The following MAGI2 variants were observed in gnomAD, a reference collection of about 807,000 sequenced individuals.
MAGI2 encodes membrane associated guanylate kinase, WW and PDZ domain containing 2.
MAGI2 carries 35 observed loss-of-function variants against 133.3 expected under a neutral mutation model. The observed-to-expected ratio is 0.26, with a 90% CI of 0.20 to 0.35. MAGI2 has a LOEUF of 0.35. Among genes scored for constraint, MAGI2 ranks in the 10% least tolerant of loss-of-function variants. The pLI, the probability that MAGI2 is intolerant of heterozygous loss-of-function variation, is 1.00. For synonymous variants in MAGI2, 729 were observed against 710.6 expected (o/e 1.03, Z -0.41); for missense variants, 1,636 against 1,863.4 (o/e 0.88, Z 2.25).
rs534220787 is a variant in MAGI2, at chr7:78,851,215, G to A, written c.418+155875C>T. Among the ~76,000 whole-genome samples, 18 of 149,876 alleles carry A rather than the reference G, an allele frequency of 1.2e-4. No homozygotes were observed. In the South Asian group the frequency reaches 3.4e-3, roughly 28 times the overall value. On this transcript the variant is annotated intron_variant, in intron 2 of 21. Transcript: ENST00000354212. ...TTTATTTAGAAATGAATTCCCAAAGGGATTTTCTTGCCACCTTCAATTTTC... is the reference window on the plus strand; with the variant it reads ...TTTATTTAGAAATGAATTCCCAAAGAGATTTTCTTGCCACCTTCAATTTTC...
Position 78,757,589 on chromosome 7 carries a change from C to T in MAGI2, c.419-130350G>A, listed in dbSNP as rs78933611. The stretch of plus-strand genomic sequence containing the variant: ...TCTCAATGTCACTAAAGCCAATGGA[C>T]ATTAGTGAGTCCTCATCTTATATGA... On this transcript the variant is annotated intron_variant, in intron 2 of 21. Coordinates refer to ENST00000354212, the MANE Select transcript of MAGI2 (RefSeq NM_012301.4). Among the ~76,000 whole-genome samples, 10 of 152,248 alleles carry T rather than the reference C, an allele frequency of 6.6e-5. 1 individual carries two copies. In the East Asian group the frequency reaches 1.9e-3, roughly 29 times the overall value.
At chr7:78,439,744 C>T (rs1054525046) in intron 6 of MAGI2, among the ~76,000 whole-genome samples, 4 of 152,110 alleles carry the variant, frequency 2.6e-5, no homozygotes, top group East Asian at 1.9e-4. Flanking sequence ...TATTTTCACC[C>T]GAATTGCTTA....
intron 2 of MAGI2, among the ~76,000 whole-genome samples, chr7:78,974,042 A>T (rs1804021189): frequency 6.6e-6 from 1 of 151,834 alleles, no homozygotes; most frequent in African/African-American, 2.4e-5. Flanking sequence ...CTCAAAAAAT[A>T]AAACTCTTTG....
At chr7:79,349,805 T>C (rs184744684) in intron 1 of MAGI2, among the ~76,000 whole-genome samples, 1 of 152,212 alleles carries the variant, frequency 6.6e-6, no homozygotes, top group East Asian at 1.9e-4. Flanking sequence ...GAATTAACTT[T>C]AGAGCCAATT....
At position 78,168,078 on chromosome 7, in the gene MAGI2, A is replaced by C. The variant is rs747453880; in HGVS notation, c.2434T>G (p.Ser812Ala). 5 of 1,614,100 alleles carry C rather than the reference A, an allele frequency of 3.1e-6. 1 individual carries two copies. The South Asian group carries it at 3.3e-5, about 11-fold the overall frequency. Reference protein sequence around the residue: ...ILIGAVIAMGSADRDGRLHPG... With the variant: ...ILIGAVIAMGAADRDGRLHPG... ...TGAAGGCGGCCATCTCTGTCGGCTG[A>C]GCCCATGGCAATGACAGCTCCAATC... Residue 812 changes from serine to alanine, a missense_variant, in exon 15 of 22, where the codon TCA becomes GCA. By Grantham distance (99) the Ser-to-Ala change is moderately conservative. Transcript: ENST00000354212.
At chr7:78,090,246 T>G (rs1480064952) in intron 20 of MAGI2, among the ~76,000 whole-genome samples, 1 of 152,286 alleles carries the variant, frequency 6.6e-6, no homozygotes, top group Non-Finnish European at 1.5e-5. Flanking sequence ...ACAGTCACAC[T>G]GCCTGTTAGT....
intron 1 of MAGI2, among the ~76,000 whole-genome samples, chr7:79,447,271 T>C (rs181330613): frequency 5.1e-4 from 78 of 152,266 alleles, no homozygotes; most frequent in African/African-American, 1.8e-3. Flanking sequence ...GCAATTATTA[T>C]ATTACTAAGT....
intron 6 of MAGI2, among the ~76,000 whole-genome samples, chr7:78,410,811 C>T (rs1042143956): frequency 2.0e-5 from 3 of 151,802 alleles, no homozygotes; most frequent in Non-Finnish European, 4.4e-5. Context: ...GATGACTAGA[C>T]AGTAGTCAGT....
At chr7:79,023,340 T>G (rs1177291066) in intron 1 of MAGI2, among the ~76,000 whole-genome samples, 2 of 152,076 alleles carry the variant, frequency 1.3e-5, no homozygotes, top group East Asian at 3.9e-4. Context: ...TATTTCAAAA[T>G]AATAAAAGCT....
chr7:78,667,436 A>G (rs1171747637), intron 2 of MAGI2, among the ~76,000 whole-genome samples: 2 of 151,556 alleles, frequency 1.3e-5, no homozygotes, highest in Admixed American at 1.3e-4. Flanking sequence ...CATGTGCACA[A>G]TGTGCAAGTT....
chr7:78,633,173 T>C (rs1809211942), intron 2 of MAGI2, among the ~76,000 whole-genome samples: 2 of 152,198 alleles, frequency 1.3e-5, no homozygotes, highest in South Asian at 4.1e-4. Flanking sequence ...TTCTCACTTA[T>C]AAGTGGGAGC....
At chr7:78,069,076 T>C (rs1036526122) in intron 21 of MAGI2, among the ~76,000 whole-genome samples, 4 of 152,126 alleles carry the variant, frequency 2.6e-5, no homozygotes, top group Admixed American at 6.5e-5. Flanking sequence ...AGGCCTGATA[T>C]GGAAAATGGG....
intron 21 of MAGI2, among the ~76,000 whole-genome samples, chr7:78,051,947 C>CATCA (rs1812054920): frequency 6.8e-6 from 1 of 148,006 alleles, no homozygotes; most frequent in African/African-American, 2.6e-5. Flanking sequence ...GCAATGGCAG[C>CATCA]ATCAGAGCTC....
At chr7:78,286,165 T>A (rs1397230496) in intron 9 of MAGI2, among the ~76,000 whole-genome samples, 2 of 152,068 alleles carry the variant, frequency 1.3e-5, no homozygotes, top group East Asian at 3.9e-4. Flanking sequence ...GGTAAAAAAA[T>A]TTGAAAGCTC....
intron 1 of MAGI2, among the ~76,000 whole-genome samples, chr7:79,214,436 TATATATAAA>T (rs1381656435): frequency 2.4e-5 from 3 of 126,506 alleles, no homozygotes; most frequent in East Asian, 4.6e-4. Flanking sequence ...TATATATATA[TATATATAAA>T]TATGCACACA....
intron 1 of MAGI2, chr7:79,414,199 A>G (rs570322991): frequency 1.3e-5 from 2 of 152,292 alleles, no homozygotes; most frequent in African/African-American, 4.8e-5. Context: ...TGCCTTGCAA[A>G]TAATGAATAA....
chr7:79,229,856 C>T (rs1831202231), intron 1 of MAGI2, among the ~76,000 whole-genome samples: 1 of 151,044 alleles, frequency 6.6e-6, no homozygotes, highest in Admixed American at 6.6e-5. Context: ...AGGTTAGTTA[C>T]ATATGTATAC....
chr7:78,424,840 C>T (rs527418604), intron 6 of MAGI2, among the ~76,000 whole-genome samples: 2 of 152,240 alleles, frequency 1.3e-5, no homozygotes, highest in East Asian at 3.9e-4. Flanking sequence ...ATGCCTGCAC[C>T]CCCACTGTAT....
chr7:78,944,675 G>GAT (rs1282025976), intron 2 of MAGI2, among the ~76,000 whole-genome samples: 1 of 151,558 alleles, frequency 6.6e-6, no homozygotes, highest in Non-Finnish European at 1.5e-5. Flanking sequence ...AGCACCCAGG[G>GAT]ATATATGTAT....
Sources: gnomAD v4.1 joint callset for allele counts (sites outside exome capture counted in the v4.1 genomes callset) on GRCh38, gnomAD v4.1.1 for gene constraint, MANE v1.5 for transcripts, NCBI Gene and HGNC (gene_info 2026-07-23, HGNC 2026-07-21) for gene names.